TGM3: variants seen among roughly 807,000 people sequenced by gnomAD.
TGM3 encodes the protein protein-glutamine gamma-glutamyltransferase E.
Under a neutral mutation model 73.8 loss-of-function variants are expected in TGM3, and 52 were observed. That is an observed-to-expected ratio of 0.70 (90% CI 0.56 to 0.89). The LOEUF (loss-of-function observed/expected upper bound fraction) is 0.89, where lower values mean the gene tolerates loss of function less well. Among genes scored for constraint, TGM3 ranks in the 40% least tolerant of loss-of-function variants. TGM3 has a pLI of 0.00. For missense variants in TGM3, 928 were observed against 909.9 expected, an observed-to-expected ratio of 1.02 and a Z score of -0.26; for synonymous variants, 372 against 354.9, an observed-to-expected ratio of 1.05 and a Z score of -0.54.
chr20:2,327,883 C>T (rs1353885999), intron 8 of TGM3, among the ~76,000 whole-genome samples: 2 of 152,144 alleles, frequency 1.3e-5, no homozygotes, highest in South Asian at 4.1e-4. Flanking sequence ...ATGGATTAGG[C>T]GCCCGGAATG....
Position 2,328,293 on chromosome 20 carries a change from AG to A in TGM3, c.1263del (p.Arg421SerfsTer67). On this transcript the variant is annotated frameshift_variant, in exon 9 of 13. Transcript: ENST00000381458. LOFTEE classifies it high-confidence loss of function. This position sits in a 1 kb window ranked among gnomAD's most constrained non-coding sequence, Gnocchi z 5.2. Reference sequence around the variant, plus strand: ...TTCCGTGAACAGTCACACCATTGGCAGGTACATCAGCACCAAGGCGGTGGGC... The same window carrying A: ...TTCCGTGAACAGTCACACCATTGGCAGTACATCAGCACCAAGGCGGTGGGC... ...KNSVNSHTIG[R>X]YISTKAVGSN... The A allele has an allele frequency of 6.2e-7, 1 of 1,614,208 alleles. No individual in the cohort carries two copies. Among genetic ancestry groups the A allele is most frequent in the Admixed American group, 1.7e-5 (1 of 60,020 alleles).
intron 7 of TGM3, among the ~76,000 whole-genome samples, chr20:2,319,422 C>G (rs1478009635): frequency 6.6e-6 from 1 of 152,170 alleles, no homozygotes; most frequent in African/African-American, 2.4e-5. Flanking sequence ...GATGCCCAGG[C>G]AAGTGACTGA....
At chr20:2,322,322 C>T (rs937545381) in intron 7 of TGM3, among the ~76,000 whole-genome samples, 3 of 152,108 alleles carry the variant, frequency 2.0e-5, no homozygotes, top group African/African-American at 4.8e-5. Context: ...TGGGATGATA[C>T]ATTTTCCAAG....
chr20:2,296,328 T>G (rs2084106942), intron 1 of TGM3, among the ~76,000 whole-genome samples: 1 of 152,224 alleles, frequency 6.6e-6, no homozygotes, highest in Non-Finnish European at 1.5e-5. Flanking sequence ...CAGCTGGACA[T>G]CGCATCTCCT....
chr20:2,319,988 T>G (rs987832887), intron 7 of TGM3, among the ~76,000 whole-genome samples: 13 of 152,238 alleles, frequency 8.5e-5, no homozygotes, highest in African/African-American at 3.1e-4. Context: ...CTCGGGAGCT[T>G]CAGCCCACTC....
chr20:2,335,096 CCCCTGGCTTCT>C lies in TGM3; in HGVS notation c.1643-17_1643-7del. 10 of 1,613,926 alleles carry C rather than the reference CCCCTGGCTTCT, an allele frequency of 6.2e-6. No homozygotes were observed. The highest frequency in any genetic ancestry group is 8.5e-6 in the Non-Finnish European group (10 of 1,179,864). On this transcript the variant is annotated splice_polypyrimidine_tract_variant and intron_variant, in intron 10 of 12. Transcript: ENST00000381458. ...CATCCCCACTCCCCCTCACTCGGAT[CCCCTGGCTTCT>C]CCTTCCAGAGGCAGAACATCCCATA...
rs2084238629 is a variant in TGM3, at chr20:2,317,154, C to CTTG, written c.756_757insTTG (p.Gly252_Ser253insLeu). 2 of 1,613,944 alleles carry CTTG rather than the reference C, an allele frequency of 1.2e-6. No homozygotes were observed. The highest frequency in any genetic ancestry group is 2.7e-5 in the African/African-American group (2 of 74,928). On this transcript the variant is annotated inframe_insertion, in exon 6 of 13. Coordinates refer to ENST00000381458, the MANE Select transcript of TGM3 (RefSeq NM_003245.4). ...GCCGGGACCCAAGGAGCTGGAACGG[C>CTTG]AGCGTGGAGATCCTCAAAAATTGGA...
rs1377055585 is a variant in TGM3, at chr20:2,335,138, C to G, written c.1665C>G (p.Ile555Met). The G allele has an allele frequency of 1.9e-6, 3 of 1,614,132 alleles. No individual in the cohort carries two copies. The highest frequency in any genetic ancestry group is 2.5e-6 in the Non-Finnish European group (3 of 1,180,044). Residue 555 changes from isoleucine to methionine, a missense_variant, in exon 11 of 13, where the codon ATC (isoleucine) becomes ATG (methionine). Coordinates refer to ENST00000381458, the MANE Select transcript of TGM3 (RefSeq NM_003245.4). ...PEEEAEHPIKISYAQYEKYLK... is the reference protein window; with the variant it reads ...PEEEAEHPIKMSYAQYEKYLK... ...CAGAGGCAGAACATCCCATAAAGATCTCGTACGCTCAGTATGAGAAGTACC... is the reference window on the plus strand; with the variant it reads ...CAGAGGCAGAACATCCCATAAAGATGTCGTACGCTCAGTATGAGAAGTACC...
At chr20:2,311,294 C>T (rs1318350139) in intron 4 of TGM3, among the ~76,000 whole-genome samples, 165 bp downstream of exon 4, 1 of 151,230 alleles carries the variant, frequency 6.6e-6, no homozygotes, top group Non-Finnish European at 1.5e-5. Flanking sequence ...TGTGTCAGAC[C>T]CTGGGATCCA....
chr20:2,310,692 A>G (rs985422748), intron 3 of TGM3, among the ~76,000 whole-genome samples: 1 of 152,194 alleles, frequency 6.6e-6, no homozygotes, highest in Non-Finnish European at 1.5e-5. Context: ...GAGCTTTTAC[A>G]AACTGCATAG....
At chr20:2,326,778 C>T (rs1486167790) in intron 8 of TGM3, among the ~76,000 whole-genome samples, 9 of 151,502 alleles carry the variant, frequency 5.9e-5, no homozygotes, top group South Asian at 4.2e-4. Flanking sequence ...ACTCAGGAAA[C>T]GGAGGTAAAG....
intron 1 of TGM3, among the ~76,000 whole-genome samples, chr20:2,303,808 G>A (rs1447953897): frequency 1.3e-5 from 2 of 152,080 alleles, no homozygotes; most frequent in African/African-American, 4.8e-5. Context: ...AAAAAAATCT[G>A]GGAAATTGCC....
intron 1 of TGM3, among the ~76,000 whole-genome samples, chr20:2,299,992 A>G (rs1325526901): frequency 6.6e-6 from 1 of 152,058 alleles, no homozygotes; most frequent in East Asian, 1.9e-4. Flanking sequence ...GCTACTTGGG[A>G]GGCTGAGGTT....
intron 8 of TGM3, among the ~76,000 whole-genome samples, chr20:2,326,847 T>TA (rs111733490): frequency 0.017 from 2,538 of 145,820 alleles, 63 homozygotes; most frequent in African/African-American, 0.058. Flanking sequence ...AGACTCCGTC[T>TA]AAAAAAAAAA....
chr20:2,318,384 A>G (rs1284729842), intron 7 of TGM3, among the ~76,000 whole-genome samples: 1 of 152,200 alleles, frequency 6.6e-6, no homozygotes, highest in Non-Finnish European at 1.5e-5. Context: ...GCACACTATC[A>G]ATACACACAC....
At chr20:2,329,599 A>G (rs1294672628) in intron 9 of TGM3, among the ~76,000 whole-genome samples, 1 of 152,098 alleles carries the variant, frequency 6.6e-6, no homozygotes, top group African/African-American at 2.4e-5. Context: ...GGGATGTAGG[A>G]CAAGTATTTT....
intron 7 of TGM3, among the ~76,000 whole-genome samples, chr20:2,323,894 T>A (rs1027022506): frequency 6.6e-6 from 1 of 152,272 alleles, no homozygotes; most frequent in African/African-American, 2.4e-5. Flanking sequence ...CGTTGCTATT[T>A]ATGGGCATGT....
intron 9 of TGM3, among the ~76,000 whole-genome samples, chr20:2,330,766 G>A (rs2084316327): frequency 6.6e-6 from 1 of 152,112 alleles, no homozygotes; most frequent in Non-Finnish European, 1.5e-5. Context: ...AGCACTTTGA[G>A]AGGCCAAGGT....
At chr20:2,321,804 A>G (rs1265060529) in intron 7 of TGM3, among the ~76,000 whole-genome samples, 1 of 152,222 alleles carries the variant, frequency 6.6e-6, no homozygotes, top group Admixed American at 6.5e-5. Flanking sequence ...GCCACTGGGC[A>G]TTGGAAAGAT....
Sources: gnomAD v4.1 joint callset for allele counts (sites outside exome capture counted in the v4.1 genomes callset) on GRCh38, gnomAD v4.1.1 for gene constraint, Gnocchi (gnomAD v3.1) non-coding constraint, MANE v1.5 for transcripts, NCBI Gene and HGNC (gene_info 2026-07-23, HGNC 2026-07-21) for gene names.